Variants in HSP90AA1 observed in about 807,000 individuals in gnomAD.
HSP90AA1 encodes the protein heat shock protein 90 alpha family class A member 1.
A neutral mutation model predicts 73.3 loss-of-function variants in HSP90AA1; 18 were observed. That is an observed-to-expected ratio of 0.25 (90% CI 0.17 to 0.36). The LOEUF (loss-of-function observed/expected upper bound fraction) is 0.36. HSP90AA1 is among the 10% of genes least tolerant of loss of function. The pLI, the probability that HSP90AA1 is intolerant of heterozygous loss-of-function variation, is 1.00. For synonymous variants in HSP90AA1, 477 were observed against 296.9 expected (o/e 1.61, Z -6.24); for missense variants, 704 against 874.2 (o/e 0.81, Z 2.45).
intron 1 of HSP90AA1, among the ~76,000 whole-genome samples, chr14:102,138,093 G>A (rs1419173522): frequency 1.3e-5 from 2 of 151,928 alleles, no homozygotes; most frequent in Non-Finnish European, 2.9e-5. Flanking sequence ...ATAAAATGTT[G>A]AATTTATATA....
chr14:102,135,712 A>G (rs2152628162), intron 1 of HSP90AA1, among the ~76,000 whole-genome samples: 1 of 152,344 alleles, frequency 6.6e-6, no homozygotes, highest in Admixed American at 6.5e-5. Flanking sequence ...GTGGGCCGGC[A>G]CTGCTGGGGG....
At chr14:102,126,652 G>C (rs1286092646) in intron 1 of HSP90AA1, among the ~76,000 whole-genome samples, 1 of 152,074 alleles carries the variant, frequency 6.6e-6, no homozygotes, top group Non-Finnish European at 1.5e-5. Flanking sequence ...AGCCTCAAGA[G>C]TAGCTGAGAC....
chr14:102,086,297 G>A lies in HSP90AA1; in HGVS notation c.82C>T (p.Gln28Ter). 6.2e-7 allele frequency: 1 copy of A among 1,614,010 alleles called. No individual in the cohort carries two copies. Among genetic ancestry groups the A allele is most frequent in the Non-Finnish European group, 8.5e-7 (1 of 1,179,900 alleles). The change falls in exon 2 of 11, where the codon CAG becomes TAG. Residue 28 changes from glutamine (Q) to a stop codon, truncating the protein, a stop_gained. Coordinates refer to ENST00000216281, the MANE Select transcript of HSP90AA1 (RefSeq NM_005348.4). LOFTEE classifies it high-confidence loss of function. ...GTATTGATGATCAATGACATCAACT[G>A]GGCAATTTCTGCCTGAAAGGCGAAC... is the stretch of plus-strand genomic sequence containing the variant. ...ETFAFQAEIA[Q>*]LMSLIINTFY...
chr14:102,110,642 C>T lies in HSP90AA1; in HGVS notation c.156-8557G>A, dbSNP rs560889759. Among the ~76,000 whole-genome samples the T allele has an allele frequency of 3.0e-3, 447 of 147,866 alleles. 4 individuals carry two copies. The highest frequency in any genetic ancestry group is 0.011 in the African/African-American group (435 of 40,358). On this transcript the variant is annotated intron_variant, in intron 1 of 11. Transcript: ENST00000334701. ...TGGCCCAGGCTGGGGTGCAGTGGCACGATCTTGGCTCACTGCAAGCTCCGC... is the reference window on the plus strand; with the variant it reads ...TGGCCCAGGCTGGGGTGCAGTGGCATGATCTTGGCTCACTGCAAGCTCCGC...
chr14:102,134,542 C>T (rs1306807536), intron 1 of HSP90AA1, among the ~76,000 whole-genome samples: 4 of 151,982 alleles, frequency 2.6e-5, no homozygotes, highest in African/African-American at 7.3e-5. Flanking sequence ...TTCTGATGTT[C>T]GGTTGTGTTC....
rs556402493 is a variant in HSP90AA1, at chr14:102,082,841, C to T, written c.1755+193G>A. ...TTCACCGTGTTAGCCAGGATGGTCT[C>T]GATCTCCTGACCTTGTGATCCGCTG... On this transcript the variant is annotated intron_variant, in intron 9 of 10. Transcript: ENST00000216281. The T allele has an allele frequency of 4.9e-5, 31 of 637,134 alleles. No individual in the cohort carries two copies. The East Asian group carries it at 6.2e-4, about 13-fold the overall frequency. 39.5% of individuals were successfully genotyped at this position (637,134 alleles called of 1,614,324 possible). A position where few individuals can be genotyped will look rare whatever the true frequency, so the allele number is the denominator to read the frequency against.
At chr14:102,121,022 T>C (rs4900532) in intron 1 of HSP90AA1, among the ~76,000 whole-genome samples, 112,624 of 144,866 alleles carry the variant, frequency 0.78, 44,415 homozygotes, top group East Asian at 0.91. Context: ...CACACACACA[T>C]ACACACACAC....
chr14:102,086,487 A>G, intron 1 of HSP90AA1, 109 bp from the exon 2 acceptor site: 2 of 1,290,394 alleles, frequency 1.5e-6, no homozygotes, highest in East Asian at 2.3e-5. Context: ...AGATTTGCGA[A>G]GTTTAAGTAA....
chr14:102,096,454 CG>C (rs1008379026), intron 2 of HSP90AA1, among the ~76,000 whole-genome samples: 1 of 152,166 alleles, frequency 6.6e-6, no homozygotes, highest in African/African-American at 2.4e-5. Context: ...GGTCTGCCCC[CG>C]ATCATCTCTT....
rs2049200313 is a variant in HSP90AA1, at chr14:102,085,321, T to C, written c.640A>G (p.Ile214Val). 1 of 1,612,318 alleles carries C rather than the reference T, an allele frequency of 6.2e-7. No individual in the cohort carries two copies. The highest frequency in any genetic ancestry group is 1.3e-5 in the African/African-American group (1 of 74,912). The change falls in exon 4 of 11, where the codon ATT becomes GTT. Residue 214 changes from isoleucine to valine, a missense_variant. By Grantham distance (29) the Ile-to-Val change is conservative (BLOSUM62 3). Coordinates refer to ENST00000216281, the MANE Select transcript of HSP90AA1 (RefSeq NM_005348.4). ...ACAAAAAGAGTAATGGGATATCCAATAAACTGAGAATGTTTCTTCACAATC... is the reference window on the plus strand; with the variant it reads ...ACAAAAAGAGTAATGGGATATCCAACAAACTGAGAATGTTTCTTCACAATC... ...KEIVKKHSQF[I>V]GYPITLFVEK...
chr14:102,124,157 A>C (rs1289610210), intron 1 of HSP90AA1, among the ~76,000 whole-genome samples: 18 of 151,892 alleles, frequency 1.2e-4, no homozygotes, highest in Admixed American at 1.2e-3. Flanking sequence ...TTTGACAGAG[A>C]AAGTAGAGAC....
At chr14:102,138,953 T>G (rs888891211) in intron 1 of HSP90AA1, among the ~76,000 whole-genome samples, 2 of 151,878 alleles carry the variant, frequency 1.3e-5, no homozygotes, top group African/African-American at 4.8e-5. Flanking sequence ...ACCTGAGGCT[T>G]CTGGAAAAAA....
At chr14:102,082,627 A>AT in intron 9 of HSP90AA1, 183 bp from the exon 10 acceptor site, 7 of 626,504 alleles carry the variant, frequency 1.1e-5, no homozygotes, top group Non-Finnish European at 1.7e-5. Flanking sequence ...TTACATGCAC[A>AT]ATTTTTTTTT....
chr14:102,129,057 A>C (rs1442843794), intron 1 of HSP90AA1, among the ~76,000 whole-genome samples: 1 of 152,132 alleles, frequency 6.6e-6, no homozygotes, highest in Non-Finnish European at 1.5e-5. Flanking sequence ...CAACCTAATA[A>C]GTAGTTATGC....
intron 1 of HSP90AA1, among the ~76,000 whole-genome samples, chr14:102,130,932 T>C (rs1489060141): frequency 6.6e-6 from 1 of 152,138 alleles, no homozygotes; most frequent in Admixed American, 6.6e-5. Context: ...TTGCCCAGGC[T>C]GGTCTTGAAC....
chr14:102,082,538 T>A (rs1005182670), intron 9 of HSP90AA1, 94 bp from the exon 10 acceptor site: 1 of 872,892 alleles, frequency 1.1e-6, no homozygotes, highest in African/African-American at 1.7e-5. Flanking sequence ...TTTCAATAGA[T>A]CCAAAATACT....
intron 2 of HSP90AA1, among the ~76,000 whole-genome samples, chr14:102,094,658 G>A (rs1018297891): frequency 6.6e-6 from 1 of 152,192 alleles, no homozygotes; most frequent in Admixed American, 6.5e-5. Context: ...AAAAGAAAAT[G>A]GAGGCTGGAA....
In HSP90AA1 at chr14:102,118,143, G is replaced by A. The variant is rs56108142; in HGVS notation, c.156-16058C>T. On this transcript the variant is annotated intron_variant, in intron 1 of 11. Coordinates refer to the HSP90AA1 transcript ENST00000334701. ...CATAGGATCCAGGCTGGTAGCATGA[G>A]CCAAGCACAGCCTGCCAGGCTGAAT... Among the ~76,000 whole-genome samples the A allele has an allele frequency of 9.8e-3, 1,494 of 152,316 alleles. 10 individuals are homozygous for A. Among genetic ancestry groups the A allele is most frequent in the Non-Finnish European group, 0.015 (1,031 of 68,022 alleles).
At chr14:102,086,824 C>G (rs1346809287) in intron 1 of HSP90AA1, among the ~76,000 whole-genome samples, 162 bp downstream of exon 1, 1 of 151,760 alleles carries the variant, frequency 6.6e-6, no homozygotes, top group Non-Finnish European at 1.5e-5. Context: ...GCGGAAACCG[C>G]AGCGGTCCCG....
Sources: gnomAD v4.1 joint callset for allele counts (sites outside exome capture counted in the v4.1 genomes callset) on GRCh38, gnomAD v4.1.1 for gene constraint, MANE v1.5 for transcripts, NCBI Gene and HGNC (gene_info 2026-07-23, HGNC 2026-07-21) for gene names.